The following FTO variants were observed in gnomAD, a reference collection of about 807,000 sequenced individuals.
The protein encoded by FTO is FTO alpha-ketoglutarate dependent dioxygenase.
A neutral mutation model predicts 63.9 loss-of-function variants in FTO; 47 were observed. The ratio of observed to expected loss-of-function variants is 0.74; its 90% CI spans 0.58 to 0.94. The LOEUF is 0.94. Ranked by LOEUF, FTO falls within the 40% of genes least tolerant of loss-of-function variation. FTO has a pLI of 0.00. For synonymous variants in FTO, 207 were observed against 224.4 expected (o/e 0.92, Z 0.69); for missense variants, 562 against 618.1 (o/e 0.91, Z 0.96).
chr16:53,989,435 A>G (rs1246274125), intron 8 of FTO, among the ~76,000 whole-genome samples: 2 of 152,208 alleles, frequency 1.3e-5, no homozygotes, highest in Non-Finnish European at 2.9e-5. Context: ...GGAGGCAGGT[A>G]CTGGGGTCTC....
chr16:53,962,526 G>T (rs1194088103), intron 8 of FTO, among the ~76,000 whole-genome samples: 1 of 152,194 alleles, frequency 6.6e-6, no homozygotes, highest in Non-Finnish European at 1.5e-5. Flanking sequence ...AGTACTAGAA[G>T]AGAGACATGG....
At chr16:53,828,368 C>T (rs1047368051) in intron 3 of FTO, among the ~76,000 whole-genome samples, 1 of 152,134 alleles carries the variant, frequency 6.6e-6, no homozygotes, top group Non-Finnish European at 1.5e-5. Flanking sequence ...TACAGGCGCC[C>T]GCCACCACGC....
At chr16:53,950,155 TAAAA>T (rs57925273) in intron 8 of FTO, among the ~76,000 whole-genome samples, 1,374 of 50,600 alleles carry the variant, frequency 0.027, 44 homozygotes, top group African/African-American at 0.066. Context: ...TTCACATTTG[TAAAA>T]AAAAAAAAAA....
intron 8 of FTO, among the ~76,000 whole-genome samples, chr16:53,959,101 T>C (rs760621134): frequency 6.6e-6 from 1 of 152,212 alleles, no homozygotes; most frequent in Non-Finnish European, 1.5e-5. Flanking sequence ...GTGAATTAAC[T>C]GTTACAATGG....
At chr16:53,908,105 CATATTGTAAAAT>C (rs1157312051) in intron 7 of FTO, among the ~76,000 whole-genome samples, 2 of 152,150 alleles carry the variant, frequency 1.3e-5, no homozygotes, top group Non-Finnish European at 2.9e-5. Flanking sequence ...AATTGTTGAT[CATATTGTAAAAT>C]AGAATGTAAA....
At chr16:54,103,747 A>G (rs1354221538) in intron 8 of FTO, among the ~76,000 whole-genome samples, 1 of 152,232 alleles carries the variant, frequency 6.6e-6, no homozygotes, top group African/African-American at 2.4e-5. Context: ...AGCAGTGACA[A>G]AAGTCCAAAA....
chr16:53,932,190 C>T (rs550816224), intron 7 of FTO, among the ~76,000 whole-genome samples: 12 of 152,274 alleles, frequency 7.9e-5, no homozygotes, highest in Admixed American at 2.0e-4. Flanking sequence ...GTTGTTGCCA[C>T]AGAAGCTGCT....
chr16:53,781,834 C>T (rs2077596323), intron 1 of FTO, among the ~76,000 whole-genome samples: 2 of 152,056 alleles, frequency 1.3e-5, no homozygotes, highest in Non-Finnish European at 2.9e-5. Flanking sequence ...GTGAGCATAG[C>T]ACAGAGGAAA....
chr16:54,000,798 T>C (rs1299428643), intron 8 of FTO, among the ~76,000 whole-genome samples: 1 of 152,230 alleles, frequency 6.6e-6, no homozygotes, highest in Non-Finnish European at 1.5e-5. Context: ...GTATAATGTA[T>C]GATGAATAGT....
chr16:53,952,396 T>G (rs1337885048), intron 8 of FTO, among the ~76,000 whole-genome samples: 1 of 152,226 alleles, frequency 6.6e-6, no homozygotes, highest in Non-Finnish European at 1.5e-5. Context: ...CCATGTTTTC[T>G]GAAGGGCTCT....
chr16:53,826,188 A>G lies in FTO; in HGVS notation c.448A>G (p.Thr150Ala), dbSNP rs775311728. 6.2e-7 allele frequency: 1 copy of G among 1,614,154 alleles called. No individual in the cohort carries two copies. Among genetic ancestry groups the G allele is most frequent in the East Asian group, 2.2e-5 (1 of 44,872 alleles). Residue 150 changes from threonine to alanine, a missense_variant, in exon 3 of 9, where the codon ACC becomes GCC. Physicochemically the swap from Thr to Ala is moderately conservative, Grantham distance 58. Transcript: ENST00000471389. Reference protein sequence around the residue: ...LKLNDYLQIETIQALEELAAK... With the variant: ...LKLNDYLQIEAIQALEELAAK... ...GCTCAATGACTACCTGCAGATAGAA[A>G]CCATCCAGGCTTTGGAAGAACTTGC...
intron 5 of FTO, among the ~76,000 whole-genome samples, chr16:53,875,483 G>A (rs1464117618): frequency 1.3e-5 from 2 of 152,162 alleles, no homozygotes; most frequent in South Asian, 2.1e-4. Context: ...ATTCAAAGAA[G>A]TTTGCCACTA....
At chr16:53,920,383 G>C (rs2081980753) in intron 7 of FTO, among the ~76,000 whole-genome samples, 1 of 152,156 alleles carries the variant, frequency 6.6e-6, no homozygotes, top group Non-Finnish European at 1.5e-5. Flanking sequence ...GAGACCTCCT[G>C]AATCACCAAA....
intron 6 of FTO, among the ~76,000 whole-genome samples, chr16:53,882,946 C>T (rs2080877811): frequency 6.6e-6 from 1 of 152,142 alleles, no homozygotes; most frequent in Non-Finnish European, 1.5e-5. Flanking sequence ...GTCTGACTTG[C>T]TGCCCTTCAT....
intron 8 of FTO, chr16:53,937,583 T>A: frequency 4.1e-6 from 1 of 245,388 alleles, no homozygotes; most frequent in East Asian, 7.6e-5. Flanking sequence ...TACCAAATTA[T>A]ATGGAAGTTT....
At chr16:54,030,060 C>G (rs559747349) in intron 8 of FTO, among the ~76,000 whole-genome samples, 1 of 152,278 alleles carries the variant, frequency 6.6e-6, no homozygotes, top group South Asian at 2.1e-4. Context: ...GATTGATTGT[C>G]CAGTCCTCTC....
chr16:53,721,715 A>G (rs1254957256), intron 1 of FTO, among the ~76,000 whole-genome samples: 1 of 152,180 alleles, frequency 6.6e-6, no homozygotes, highest in Admixed American at 6.5e-5. Context: ...GCAGAGTGAT[A>G]GTATTTTCTG....
At chr16:53,800,856 T>A (rs111742071) in intron 1 of FTO, among the ~76,000 whole-genome samples, 4,302 of 152,170 alleles carry the variant, frequency 0.028, 195 homozygotes, top group African/African-American at 0.097. Context: ...CAAATCTTTT[T>A]TTATTGCAGT....
At chr16:54,079,094 T>C (rs1230242413) in intron 8 of FTO, among the ~76,000 whole-genome samples, 2 of 152,150 alleles carry the variant, frequency 1.3e-5, no homozygotes, top group Admixed American at 1.3e-4. Context: ...TAATAAATTT[T>C]AGAAAACATT....
Sources: allele counts gnomAD v4.1 joint callset (sites outside exome capture counted in the v4.1 genomes callset), GRCh38; gene constraint gnomAD v4.1.1; transcripts MANE v1.5; gene names NCBI Gene and HGNC (gene_info 2026-07-23, HGNC 2026-07-21).